The following PRKCA variants were observed in gnomAD, a reference collection of about 807,000 sequenced individuals.
PRKCA encodes protein kinase C alpha type.
A neutral mutation model predicts 87.0 loss-of-function variants in PRKCA; 27 were observed. The observed-to-expected ratio is 0.31, with a 90% CI of 0.23 to 0.43. The LOEUF is 0.43. PRKCA is among the 20% of genes least tolerant of loss of function. The pLI, the probability that PRKCA is intolerant of heterozygous loss-of-function variation, is 1.00. For missense variants in PRKCA, 518 were observed against 852.3 expected (o/e 0.61, Z 4.88); for synonymous variants, 329 against 311.1 (o/e 1.06, Z -0.61).
At chr17:66,391,037 C>T (rs1264461654) in intron 2 of PRKCA, among the ~76,000 whole-genome samples, 3 of 152,142 alleles carry the variant, frequency 2.0e-5, no homozygotes, top group African/African-American at 4.8e-5. Context: ...TTGACAGATC[C>T]CATGGACTCA....
intron 3 of PRKCA, among the ~76,000 whole-genome samples, chr17:66,503,183 G>A (rs1438603958): frequency 1.3e-5 from 2 of 152,106 alleles, no homozygotes. Flanking sequence ...AGCTTTCCTC[G>A]CGTTTTTGTT....
At chr17:66,319,160 G>T (rs995299991) in intron 2 of PRKCA, among the ~76,000 whole-genome samples, 5 of 152,058 alleles carry the variant, frequency 3.3e-5, no homozygotes, top group African/African-American at 1.2e-4. Flanking sequence ...GCTTGCAATG[G>T]TGGTCTGCCA....
At chr17:66,630,630 C>T (rs1039423634) in intron 3 of PRKCA, among the ~76,000 whole-genome samples, 3 of 152,232 alleles carry the variant, frequency 2.0e-5, no homozygotes, top group Non-Finnish European at 4.4e-5. Context: ...GGTGCTCCTT[C>T]TCTGAAGCTC....
chr17:66,805,036 G>A lies in PRKCA; in HGVS notation c.*999G>A, dbSNP rs1435865588. On this transcript the variant is annotated 3_prime_UTR_variant, in exon 17 of 17. Coordinates refer to ENST00000413366, the MANE Select transcript of PRKCA (RefSeq NM_002737.3). ...GCTGCAGTGTCGCTTATGAAAGTAC[G>A]ATGTACAGTAACTTAATGGAAGTGC... is the stretch of plus-strand genomic sequence containing the variant. 47 of 983,690 alleles carry A rather than the reference G, an allele frequency of 4.8e-5. No individual in the cohort carries two copies. The highest frequency in any genetic ancestry group is 9.4e-5 in the South Asian group (2 of 21,250). 60.9% of individuals were successfully genotyped at this position (983,690 alleles called of 1,614,324 possible).
At chr17:66,316,994 T>C (rs1372666910) in intron 2 of PRKCA, among the ~76,000 whole-genome samples, 1 of 151,930 alleles carries the variant, frequency 6.6e-6, no homozygotes, top group Non-Finnish European at 1.5e-5. Context: ...TACAAAAAAT[T>C]AGCTGGGCGC....
chr17:66,492,959 C>A (rs1287388687), intron 2 of PRKCA, among the ~76,000 whole-genome samples: 1 of 152,234 alleles, frequency 6.6e-6, no homozygotes, highest in African/African-American at 2.4e-5. Flanking sequence ...GGGCAGCCAG[C>A]AGGATCCCTC....
intron 3 of PRKCA, among the ~76,000 whole-genome samples, chr17:66,532,650 C>T (rs1252671699): frequency 6.6e-6 from 1 of 152,114 alleles, no homozygotes; most frequent in Non-Finnish European, 1.5e-5. Context: ...TGAGCCACTG[C>T]GCCCGGCCCA....
chr17:66,606,065 T>C (rs1970199963), intron 3 of PRKCA, among the ~76,000 whole-genome samples: 1 of 152,156 alleles, frequency 6.6e-6, no homozygotes, highest in South Asian at 2.1e-4. Flanking sequence ...TTGTCTGGTA[T>C]GTGAATTGTA....
intron 3 of PRKCA, among the ~76,000 whole-genome samples, chr17:66,548,761 G>A (rs925824431): frequency 6.6e-6 from 1 of 152,064 alleles, no homozygotes; most frequent in South Asian, 2.1e-4. Flanking sequence ...GCTGGAGGAG[G>A]TGGGAGCTGG....
chr17:66,349,016 A>G (rs1907572580), intron 2 of PRKCA, among the ~76,000 whole-genome samples: 1 of 152,208 alleles, frequency 6.6e-6, no homozygotes, highest in Non-Finnish European at 1.5e-5. Flanking sequence ...CAAGTTTGTT[A>G]TTAAGAGCTT....
chr17:66,517,945 G>A lies in PRKCA; in HGVS notation c.288+21662G>A, dbSNP rs115380895. 7.0e-3 allele frequency among the ~76,000 whole-genome samples: 1,067 copies of A among 152,284 alleles called. 10 individuals are homozygous for A. Among genetic ancestry groups the A allele is most frequent in the South Asian group, 0.024 (118 of 4,828 alleles). On this transcript the variant is annotated intron_variant, in intron 3 of 16. Coordinates refer to ENST00000413366, the MANE Select transcript of PRKCA (RefSeq NM_002737.3). ...ATTTAGGATGGTTGTGAGTACGGCT[G>A]CAGGTTCCCTTTTGCTTATTGAAAT...
intron 3 of PRKCA, among the ~76,000 whole-genome samples, chr17:66,577,468 C>T (rs972154818): frequency 2.6e-5 from 4 of 152,078 alleles, no homozygotes; most frequent in Admixed American, 2.0e-4. Flanking sequence ...ATGAGTCCTC[C>T]ATAGCAGCCA....
chr17:66,746,949 C>A (rs146847316), intron 13 of PRKCA, among the ~76,000 whole-genome samples: 1 of 152,178 alleles, frequency 6.6e-6, no homozygotes, highest in Non-Finnish European at 1.5e-5. Context: ...ACTAGCATTG[C>A]GCACTCTTGC....
At chr17:66,409,394 C>G (rs1911640534) in intron 2 of PRKCA, among the ~76,000 whole-genome samples, 3 of 152,056 alleles carry the variant, frequency 2.0e-5, no homozygotes, top group African/African-American at 4.8e-5. Context: ...CATGTCTGTT[C>G]CATTGATGAA....
At chr17:66,411,735 C>G (rs573761101) in intron 2 of PRKCA, among the ~76,000 whole-genome samples, 2 of 152,212 alleles carry the variant, frequency 1.3e-5, no homozygotes, top group African/African-American at 4.8e-5. Flanking sequence ...CTGATCTTCC[C>G]CTCCCACCAA....
At chr17:66,791,231 C>T (rs1264969529) in intron 16 of PRKCA, among the ~76,000 whole-genome samples, 1 of 147,762 alleles carries the variant, frequency 6.8e-6, no homozygotes, top group Non-Finnish European at 1.5e-5. Context: ...AGAAATAGCC[C>T]CTGAACTCAC....
chr17:66,483,525 G>A (rs374965429), intron 2 of PRKCA, among the ~76,000 whole-genome samples: 48 of 151,650 alleles, frequency 3.2e-4, no homozygotes, highest in Middle Eastern at 3.4e-3. Flanking sequence ...GTGTGGTGGT[G>A]CAGTCTCAGC....
chr17:66,312,722 A>G (rs1883042815), intron 2 of PRKCA, among the ~76,000 whole-genome samples: 1 of 139,436 alleles, frequency 7.2e-6, no homozygotes, highest in South Asian at 2.2e-4. Context: ...TGTTCTTCCT[A>G]TCGTAGGACC....
intron 2 of PRKCA, among the ~76,000 whole-genome samples, chr17:66,342,863 T>C (rs1314555489): frequency 6.6e-6 from 1 of 152,232 alleles, no homozygotes; most frequent in Admixed American, 6.5e-5. Context: ...ATGTGGAACA[T>C]GTTCCCATTT....
Sources: allele counts gnomAD v4.1 joint callset (sites outside exome capture counted in the v4.1 genomes callset), GRCh38; gene constraint gnomAD v4.1.1; transcripts MANE v1.5; gene names NCBI Gene and HGNC (gene_info 2026-07-23, HGNC 2026-07-21).